Variants in FER1L6 observed in about 807,000 individuals in gnomAD.
FER1L6 encodes the protein fer-1 like family member 6.
In FER1L6, 177 loss-of-function variants were observed where a neutral mutation model predicts 219.2. The observed-to-expected ratio is 0.81, with a 90% confidence interval of 0.71 to 0.91. The LOEUF (loss-of-function observed/expected upper bound fraction) is 0.91. Among genes scored for constraint, FER1L6 ranks in the 40% least tolerant of loss-of-function variants. FER1L6 has a pLI of 0.00. For missense variants in FER1L6, 2,153 were observed against 2,259.9 expected (o/e 0.95, Z 0.96); for synonymous variants, 768 against 824.3 (o/e 0.93, Z 1.17).
chr8:123,995,337 A>T (rs1817080067), intron 12 of FER1L6, among the ~76,000 whole-genome samples: 1 of 152,124 alleles, frequency 6.6e-6, no homozygotes, highest in Non-Finnish European at 1.5e-5. Flanking sequence ...TTTTATTATG[A>T]TTTTGATCAC....
Position 123,977,424 on chromosome 8 carries a change from C to T in FER1L6, c.878C>T (p.Thr293Ile). Residue 293 changes from threonine (T) to isoleucine (I), a missense_variant, in exon 10 of 41, where the codon ACC (threonine) becomes ATC (isoleucine). Coordinates refer to ENST00000522917, the MANE Select transcript of FER1L6 (RefSeq NM_001039112.2). ...TCCTGGCTGTGTTTTTAGGGGCGAACCACAGTGCAGAAGAACTGTGCTGAT... is the reference window on the plus strand; with the variant it reads ...TCCTGGCTGTGTTTTTAGGGGCGAATCACAGTGCAGAAGAACTGTGCTGAT... ...EVSFAGQMGR[T>I]TVQKNCADPV... The T allele has an allele frequency of 6.2e-7, 1 of 1,612,944 alleles. No homozygotes were observed.
intron 5 of FER1L6, 32 bp downstream of exon 5, chr8:123,966,322 A>T (rs1228827627): frequency 1.2e-6 from 2 of 1,612,330 alleles, no homozygotes; most frequent in Non-Finnish European, 1.7e-6. Flanking sequence ...CAGCTTTTGC[A>T]CTAAGATTCT....
chr8:124,106,661 G>T (rs1213937789), intron 39 of FER1L6, among the ~76,000 whole-genome samples: 1 of 152,062 alleles, frequency 6.6e-6, no homozygotes, highest in Non-Finnish European at 1.5e-5. Flanking sequence ...TTTAGCAGTT[G>T]CCCCTCTGAG....
At chr8:124,100,883 C>T (rs1822520628) in intron 37 of FER1L6, among the ~76,000 whole-genome samples, 1 of 152,102 alleles carries the variant, frequency 6.6e-6, no homozygotes, top group African/African-American at 2.4e-5. Context: ...TTCCCCAACC[C>T]TGCCTTGAAA....
chr8:123,969,938 G>A (rs1815722608), intron 5 of FER1L6, 97 bp from the exon 6 acceptor site: 1 of 869,886 alleles, frequency 1.1e-6, no homozygotes, highest in Non-Finnish European at 2.0e-6. Flanking sequence ...TCATGCAGCA[G>A]TTGGTTTGAA....
At chr8:123,863,005 T>G (rs1208219474) in intron 1 of FER1L6, among the ~76,000 whole-genome samples, 1 of 138,136 alleles carries the variant, frequency 7.2e-6, no homozygotes, top group East Asian at 1.9e-4. Context: ...TTTTAGTTAT[T>G]TCTTGCCTTC....
chr8:123,976,227 C>G (rs182947351), intron 9 of FER1L6, 143 bp downstream of exon 9: 1 of 659,460 alleles, frequency 1.5e-6, no homozygotes, highest in Non-Finnish European at 2.5e-6. Context: ...TGGGGCCAGG[C>G]GAGGTGGCTC....
intron 2 of FER1L6, among the ~76,000 whole-genome samples, chr8:123,958,539 G>C (rs1417446727): frequency 2.0e-5 from 3 of 152,102 alleles, no homozygotes; most frequent in Non-Finnish European, 4.4e-5. Context: ...CAGCTTGGCT[G>C]TTGCGAGCCC....
intron 1 of FER1L6, among the ~76,000 whole-genome samples, chr8:123,910,307 A>G (rs761631176): frequency 3.3e-5 from 5 of 152,206 alleles, no homozygotes; most frequent in Non-Finnish European, 5.9e-5. Flanking sequence ...TAAGACATCC[A>G]ATCAATGGCA....
rs112688825 is a variant in FER1L6, at chr8:124,050,422, C to A, written c.2874+666C>A. Reference sequence around the variant, plus strand: ...ATTGGGAAGAGAAGCTGAGTCCCTGCAGTCTAGCAGTCTAGGAGAGGAACA... The same window carrying A: ...ATTGGGAAGAGAAGCTGAGTCCCTGAAGTCTAGCAGTCTAGGAGAGGAACA... On this transcript the variant is annotated intron_variant, in intron 22 of 40. Transcript: ENST00000522917. 6.0e-3 allele frequency among the ~76,000 whole-genome samples: 913 copies of A among 152,188 alleles called. 12 individuals carry two copies. Among genetic ancestry groups the A allele is most frequent in the African/African-American group, 0.021 (856 of 41,528 alleles).
intron 13 of FER1L6, among the ~76,000 whole-genome samples, chr8:124,008,441 C>A (rs1817767270): frequency 6.6e-6 from 1 of 152,154 alleles, no homozygotes; most frequent in Non-Finnish European, 1.5e-5. Context: ...TTAATGACTT[C>A]TTTTCCTCTG....
intron 39 of FER1L6, among the ~76,000 whole-genome samples, chr8:124,108,956 T>C (rs1421632781): frequency 2.0e-5 from 3 of 152,162 alleles, no homozygotes; most frequent in African/African-American, 7.2e-5. Context: ...TTAACTACTT[T>C]ATAAATGATT....
At chr8:123,857,898 T>TA (rs2130245557) in intron 1 of FER1L6, among the ~76,000 whole-genome samples, 1 of 152,350 alleles carries the variant, frequency 6.6e-6, no homozygotes, top group Non-Finnish European at 1.5e-5. Flanking sequence ...TGGGGACTGA[T>TA]AAACTCTCCA....
At chr8:123,980,431 A>G (rs1447110934) in intron 10 of FER1L6, 34 bp from the exon 11 acceptor site, 1 of 1,520,960 alleles carries the variant, frequency 6.6e-7, no homozygotes, top group Non-Finnish European at 8.9e-7. Context: ...AAGCAAAAAC[A>G]TAATGAGATA....
chr8:124,022,919 A>ATT (rs869126129), intron 17 of FER1L6, among the ~76,000 whole-genome samples: 13 of 31,462 alleles, frequency 4.1e-4, no homozygotes, highest in African/African-American at 1.4e-3. Context: ...TTATTTATTT[A>ATT]TTTTTTTTTT....
chr8:123,922,755 G>C (rs1325062742), intron 1 of FER1L6, among the ~76,000 whole-genome samples: 1 of 152,174 alleles, frequency 6.6e-6, no homozygotes, highest in Non-Finnish European at 1.5e-5. Flanking sequence ...TATAATTATT[G>C]TGGTGTGGTT....
chr8:123,876,012 C>A (rs2130285802), intron 1 of FER1L6, among the ~76,000 whole-genome samples: 1 of 152,336 alleles, frequency 6.6e-6, no homozygotes, highest in East Asian at 1.9e-4. Context: ...TCAGTCAAAT[C>A]ATGTCACTCT....
intron 8 of FER1L6, among the ~76,000 whole-genome samples, chr8:123,975,678 A>G (rs1039943137): frequency 2.6e-5 from 4 of 152,196 alleles, no homozygotes; most frequent in Non-Finnish European, 5.9e-5. Flanking sequence ...GGGAGACAGT[A>G]TTTATCCTAT....
intron 22 of FER1L6, among the ~76,000 whole-genome samples, chr8:124,056,326 C>G (rs977623177): frequency 6.6e-6 from 1 of 152,232 alleles, no homozygotes; most frequent in African/African-American, 2.4e-5. Context: ...GCCTCCCCTA[C>G]GGTTGTGCAC....
Sources: allele counts gnomAD v4.1 joint callset (sites outside exome capture counted in the v4.1 genomes callset), GRCh38; gene constraint gnomAD v4.1.1; transcripts MANE v1.5; gene names NCBI Gene and HGNC (gene_info 2026-07-23, HGNC 2026-07-21).